Variants in MIGA2 observed in about 807,000 individuals in gnomAD.
The protein encoded by MIGA2 is family with sequence similarity 73, member B.
MIGA2 carries 36 observed loss-of-function variants against 69.9 expected under a neutral mutation model. That is an observed-to-expected ratio of 0.52 (90% CI 0.39 to 0.68). The LOEUF (loss-of-function observed/expected upper bound fraction) is 0.68, where lower values mean the gene tolerates loss of function less well. Ranked by LOEUF, MIGA2 falls within the 30% of genes least tolerant of loss-of-function variation. The probability of loss-of-function intolerance (pLI) is 0.00; values close to 1 mark genes in which losing one functional copy is unlikely to be tolerated. For synonymous variants in MIGA2, 333 were observed against 349.2 expected (o/e 0.95, Z 0.52); for missense variants, 660 against 787.7 (o/e 0.84, Z 1.94).
chr9:129,068,598 T>G lies in MIGA2; in HGVS notation c.1404+266T>G. On this transcript the variant is annotated intron_variant, in intron 13 of 15. Transcript: ENST00000684074. This position sits in a 1 kb window ranked among gnomAD's most constrained non-coding sequence, Gnocchi z 4.1. Reference sequence around the variant, plus strand: ...TACTTTTGTGCTGGTATGAATTCGATTCCATTTTAATGCATCCTGTTAAAT... The same window carrying G: ...TACTTTTGTGCTGGTATGAATTCGAGTCCATTTTAATGCATCCTGTTAAAT... 4.1e-6 allele frequency: 2 copies of G among 483,354 alleles called. No homozygotes were observed. The highest frequency in any genetic ancestry group is 7.5e-6 in the Non-Finnish European group (2 of 268,386). The allele number at this position is 483,354 out of a possible 1,614,324, so 29.9% of individuals were successfully genotyped here. A position where few individuals can be genotyped will look rare whatever the true frequency, so the allele number is the denominator to read the frequency against.
At chr9:129,063,170 C>A in intron 9 of MIGA2, 74 bp from the exon 10 acceptor site, 2 of 1,515,418 alleles carry the variant, frequency 1.3e-6, no homozygotes, top group Non-Finnish European at 9.1e-7. Context: ...CCTCCCCACC[C>A]AGGTGCCACC....
Position 129,040,676 on chromosome 9 carries a change from A to T in MIGA2, c.82A>T (p.Thr28Ser). ...TVAEIPVFLY[T>S]TFGQSAFSQL... ...GGCCGAGATCCCCGTGTTCCTGTAC[A>T]CGACGTTTGGGCAGGTAAGGATCAG... Residue 28 changes from threonine (T) to serine (S), a missense_variant, in exon 2 of 16, where the codon ACG becomes TCG. Around this residue, in one of 3 missense-constraint regions of MIGA2, gnomAD observed 54 missense variants for 84.0 expected, o/e 0.64. Coordinates refer to ENST00000684074, the MANE Select transcript of MIGA2 (RefSeq NM_001329990.2). 1 of 1,613,688 alleles carries T rather than the reference A, an allele frequency of 6.2e-7. No individual in the cohort carries two copies. Among genetic ancestry groups the T allele is most frequent in the Admixed American group, 1.7e-5 (1 of 60,004 alleles).
chr9:129,058,661 G>C (rs1440850891), intron 6 of MIGA2, among the ~76,000 whole-genome samples: 1 of 151,666 alleles, frequency 6.6e-6, no homozygotes, highest in East Asian at 1.9e-4. Flanking sequence ...CACCACACCC[G>C]GCTAATTTTT....
At position 129,068,406 on chromosome 9, in the gene MIGA2, TG is replaced by T. The variant is rs771948157; in HGVS notation, c.1404+75del. The stretch of plus-strand genomic sequence containing the variant: ...TGTGGTTGCCTGGCTCCGTCCCCTC[TG>T]TCCCTAGCACTGGCACCAGGGCTGG... On this transcript the variant is annotated intron_variant, in intron 13 of 15. Coordinates refer to ENST00000684074, the MANE Select transcript of MIGA2 (RefSeq NM_001329990.2). The surrounding 1 kb of genome is among the most constrained non-coding windows in gnomAD (Gnocchi z 4.1). 2.5e-6 allele frequency: 4 copies of T among 1,577,470 alleles called. No individual in the cohort carries two copies. The African/African-American group carries it at 5.4e-5, about 21-fold the overall frequency.
intron 3 of MIGA2, among the ~76,000 whole-genome samples, chr9:129,043,359 A>G (rs1845024852): frequency 6.6e-6 from 1 of 150,994 alleles, no homozygotes; most frequent in East Asian, 1.9e-4. Flanking sequence ...GCTCACAGTC[A>G]CAGATCACAC....
chr9:129,066,257 T>G (rs1253583590), intron 11 of MIGA2, among the ~76,000 whole-genome samples: 2 of 152,118 alleles, frequency 1.3e-5, no homozygotes, highest in Admixed American at 6.5e-5. Context: ...CTTGACTTGG[T>G]GTCTGTGGGC....
chr9:129,063,057 G>T (rs1451823820), intron 9 of MIGA2, 187 bp from the exon 10 acceptor site: 3 of 610,062 alleles, frequency 4.9e-6, no homozygotes, highest in African/African-American at 1.9e-5. Context: ...AGGCAGCCTC[G>T]TCCTTTGGCC....
At chr9:129,065,922 C>T (rs1358724547) in intron 11 of MIGA2, among the ~76,000 whole-genome samples, 2 of 152,204 alleles carry the variant, frequency 1.3e-5, no homozygotes, top group Non-Finnish European at 2.9e-5. Context: ...CTTGTCCTTC[C>T]TCCCCCGTTA....
rs1203556726 is a variant in MIGA2, at chr9:129,060,152, A to G, written c.794-398A>G. Among the ~76,000 whole-genome samples the G allele has an allele frequency of 1.3e-5, 2 of 152,156 alleles. No homozygotes were observed. The highest frequency in any genetic ancestry group is 6.5e-5 in the Admixed American group (1 of 15,268). ...CTGTGGACTCTTTCGAGCCCTTGGT[A>G]TCAATGGCTGAGTTTCAGCTTGTCA... On this transcript the variant is annotated intron_variant, in intron 7 of 15. Coordinates refer to ENST00000684074, the MANE Select transcript of MIGA2 (RefSeq NM_001329990.2). The surrounding 1 kb of genome is among the most constrained non-coding windows in gnomAD (Gnocchi z 4.8).
rs751759410 is a variant in MIGA2 at position 129,041,145 on chromosome 9, A to G, written c.96+455A>G. 2.4e-4 allele frequency among the ~76,000 whole-genome samples: 36 copies of G among 152,232 alleles called. No individual in the cohort carries two copies. The South Asian group carries it at 5.2e-3, about 22-fold the overall frequency. On this transcript the variant is annotated intron_variant, in intron 2 of 15. Coordinates refer to ENST00000684074, the MANE Select transcript of MIGA2 (RefSeq NM_001329990.2). ...AAGTCAGGAGTTCAAGACCAGCCTG[A>G]CCAATATGGTGAAACGCTATCTCTA...
At chr9:129,047,972 TC>T (rs1469951113) in intron 3 of MIGA2, among the ~76,000 whole-genome samples, 1 of 150,262 alleles carries the variant, frequency 6.7e-6, no homozygotes, top group African/African-American at 2.5e-5. Context: ...CAAGCAGTCC[TC>T]CCCCATCTCG....
At chr9:129,064,557 G>A (rs555716381) in intron 11 of MIGA2, among the ~76,000 whole-genome samples, 12 of 150,086 alleles carry the variant, frequency 8.0e-5, no homozygotes, top group South Asian at 4.2e-4. Context: ...TGAACAGGTC[G>A]GACAGATGAT....
intron 1 of MIGA2, among the ~76,000 whole-genome samples, chr9:129,037,884 C>A (rs1444210463): frequency 6.6e-6 from 1 of 152,162 alleles, no homozygotes; most frequent in East Asian, 1.9e-4. Context: ...TGACCTCAGG[C>A]AGGCTGCCTC....
rs1305856847 is a variant in MIGA2 at position 129,063,635 on chromosome 9, G to A, written c.1170+4G>A. ...CCTGATGACCAAGGCTGAGAAGGTA[G>A]CAGGGGGTGGGGTGGGGGGGCAAAT... On this transcript the variant is annotated splice_donor_region_variant and intron_variant, in intron 11 of 15. Coordinates refer to ENST00000684074, the MANE Select transcript of MIGA2 (RefSeq NM_001329990.2). The A allele has an allele frequency of 1.9e-6, 3 of 1,553,840 alleles. No homozygotes were observed. Among genetic ancestry groups the A allele is most frequent in the African/African-American group, 1.4e-5 (1 of 72,954 alleles).
intron 5 of MIGA2, 127 bp from the exon 6 acceptor site, chr9:129,049,699 GC>G: frequency 6.9e-7 from 1 of 1,454,394 alleles, no homozygotes; most frequent in Admixed American, 1.9e-5. Context: ...AACCTGAGCA[GC>G]CCAGGCCACA....
intron 6 of MIGA2, among the ~76,000 whole-genome samples, chr9:129,055,365 G>T (rs371568568): frequency 6.6e-6 from 1 of 151,840 alleles, no homozygotes; most frequent in Non-Finnish European, 1.5e-5. Flanking sequence ...AGTGTGAGCC[G>T]CTGTGCCCAG....
At chr9:129,045,200 G>A (rs1845151746) in intron 3 of MIGA2, among the ~76,000 whole-genome samples, 2 of 149,436 alleles carry the variant, frequency 1.3e-5, no homozygotes, top group Non-Finnish European at 3.0e-5. Flanking sequence ...TCAGCACTTT[G>A]AGAGGCTGAG....
chr9:129,068,656 G>GA lies in MIGA2; in HGVS notation c.1404+331dup, dbSNP rs961236099. 1.4e-4 allele frequency: 58 copies of GA among 413,414 alleles called. No individual in the cohort carries two copies. The highest frequency in any genetic ancestry group is 1.0e-3 in the African/African-American group (52 of 49,980). 25.6% of individuals were successfully genotyped at this position (413,414 alleles called of 1,614,324 possible). A position where few individuals can be genotyped will look rare whatever the true frequency, so the allele number is the denominator to read the frequency against. On this transcript the variant is annotated intron_variant, in intron 13 of 15. Coordinates refer to ENST00000684074, the MANE Select transcript of MIGA2 (RefSeq NM_001329990.2). The surrounding 1 kb of genome is among the most constrained non-coding windows in gnomAD (Gnocchi z 4.1). Reference sequence around the variant, plus strand: ...AAAGAGGGGAAAGCAAAACCAAAAGGAAAAAAAGGCACAGAGTGAGAGACA... The same window carrying GA: ...AAAGAGGGGAAAGCAAAACCAAAAGGAAAAAAAAGGCACAGAGTGAGAGACA...
chr9:129,061,329 G>T lies in MIGA2; in HGVS notation c.993G>T (p.Val331=). 6.2e-7 allele frequency: 1 copy of T among 1,607,180 alleles called. No homozygotes were observed. Among genetic ancestry groups the T allele is most frequent in the Non-Finnish European group, 8.5e-7 (1 of 1,177,066 alleles). ...TGCAGCTGGTGAAGGAGGGGAGAGT[G>T]CCTTGCCGGACCCTCAGGTGAGCAG... The part of the protein sequence containing the change: ...EALQLVKEGR[V]PCRTLRTELL... Residue 331 remains valine, a synonymous_variant, in exon 9 of 16, where the codon GTG becomes GTT. Coordinates refer to ENST00000684074, the MANE Select transcript of MIGA2 (RefSeq NM_001329990.2). This position sits in a 1 kb window ranked among gnomAD's most constrained non-coding sequence, Gnocchi z 5.0.
Sources: allele counts gnomAD v4.1 joint callset (sites outside exome capture counted in the v4.1 genomes callset), GRCh38; gene constraint gnomAD v4.1.1; regional missense constraint gnomAD v4.1.1; non-coding constraint Gnocchi (gnomAD v3.1); transcripts MANE v1.5; gene names NCBI Gene and HGNC (gene_info 2026-07-23, HGNC 2026-07-21).